The following LGALS9 variants were observed in gnomAD, a reference collection of about 807,000 sequenced individuals.
LGALS9 encodes the protein galectin-9.
LGALS9 carries 26 observed loss-of-function variants against 35.9 expected under a neutral mutation model. The ratio of observed to expected loss-of-function variants is 0.72; its 90% CI spans 0.53 to 1.01. The LOEUF (loss-of-function observed/expected upper bound fraction) is 1.01. Among genes scored for constraint, LGALS9 ranks in the 50% least tolerant of loss-of-function variants. The pLI is 0.00. For missense variants in LGALS9, 347 were observed against 445.8 expected (o/e 0.78, Z 1.99); for synonymous variants, 149 against 172.2 (o/e 0.87, Z 1.06).
intron 10 of LGALS9, 92 bp downstream of exon 10, chr17:27,647,524 G>A (rs1467298963): frequency 3.3e-6 from 5 of 1,521,724 alleles, no homozygotes; most frequent in African/African-American, 1.4e-5. Flanking sequence ...AACAGTATGG[G>A]GGCTGATTCC....
intron 6 of LGALS9, 53 bp from the exon 7 acceptor site, chr17:27,645,808 C>G (rs1904892320): frequency 2.7e-6 from 4 of 1,467,114 alleles, no homozygotes; most frequent in Admixed American, 3.7e-5. Flanking sequence ...CTGGTGGGAG[C>G]TGGTGGTTTT....
At chr17:27,632,451 AAGG>A (rs1263457392) in intron 1 of LGALS9, among the ~76,000 whole-genome samples, 1 of 152,166 alleles carries the variant, frequency 6.6e-6, no homozygotes, top group African/African-American at 2.4e-5. Context: ...AGAATGGGGA[AAGG>A]AGGCCTGTTT....
At chr17:27,635,555 G>C (rs933726355) in intron 1 of LGALS9, among the ~76,000 whole-genome samples, 5 of 151,914 alleles carry the variant, frequency 3.3e-5, no homozygotes, top group African/African-American at 7.3e-5. Context: ...GCTTTTTTGG[G>C]GAACTTGTTG....
rs765369604 is a variant in LGALS9 at position 27,631,329 on chromosome 17, G to A, written c.39+25G>A. Reference sequence around the variant, plus strand: ...AGTGAGTTCCAGGGCTATGGGCACAGGGCTGCCTCAGCCAGAGGGACACAG... The same window carrying A: ...AGTGAGTTCCAGGGCTATGGGCACAAGGCTGCCTCAGCCAGAGGGACACAG... On this transcript the variant is annotated intron_variant, in intron 1 of 10. Transcript: ENST00000395473. 1.9e-6 allele frequency: 3 copies of A among 1,614,122 alleles called. No homozygotes were observed. The East Asian group carries it at 6.7e-5, about 36-fold the overall frequency.
At position 27,640,488 on chromosome 17, in the gene LGALS9, A is replaced by C. The variant is rs1016519530; in HGVS notation, c.132-84A>C. On this transcript the variant is annotated intron_variant, in intron 2 of 10. Coordinates refer to ENST00000395473, the MANE Select transcript of LGALS9 (RefSeq NM_009587.3). ...TTGTGTGCAAGATCCAGACAAATGCAAAGCACAGGCGCCGAGGCCCTCCTG... is the reference window on the plus strand; with the variant it reads ...TTGTGTGCAAGATCCAGACAAATGCCAAGCACAGGCGCCGAGGCCCTCCTG... The C allele has an allele frequency of 4.7e-5, 74 of 1,587,810 alleles. 1 individual carries two copies. The highest frequency in any genetic ancestry group is 5.9e-5 in the Non-Finnish European group (68 of 1,158,038).
chr17:27,646,936 T>G, intron 8 of LGALS9, 94 bp from the exon 9 acceptor site: 1 of 1,560,494 alleles, frequency 6.4e-7, no homozygotes, highest in Non-Finnish European at 8.8e-7. Flanking sequence ...AAAGATATCA[T>G]GGGCTTCTTC....
chr17:27,646,012 CA>C (rs1567918771), intron 7 of LGALS9, 101 bp downstream of exon 7: 11 of 1,494,196 alleles, frequency 7.4e-6, no homozygotes, highest in Non-Finnish European at 9.3e-6. Context: ...AGCGGTTTAG[CA>C]AGGAGGATGG....
At chr17:27,636,550 G>A (rs1232741392) in intron 1 of LGALS9, among the ~76,000 whole-genome samples, 1 of 152,054 alleles carries the variant, frequency 6.6e-6, no homozygotes, top group Non-Finnish European at 1.5e-5. Flanking sequence ...GCTCACTGCA[G>A]CCTCCACCTC....
rs202200748 is a variant in LGALS9 at position 27,646,557 on chromosome 17, T to C, written c.638T>C (p.Ile213Thr). ...APGQMFSTPA[I>T]PPMMYPHPAY... The stretch of plus-strand genomic sequence containing the variant: ...GTTTCTTTTCAACAGACTCCCGCCA[T>C]CCCACCTATGATGTACCCCCACCCC... The change falls in exon 8 of 11, where the codon ATC becomes ACC. Residue 213 changes from isoleucine to threonine, a missense_variant. Physicochemically the swap from Ile to Thr is moderately conservative, Grantham distance 89. Coordinates refer to ENST00000395473, the MANE Select transcript of LGALS9 (RefSeq NM_009587.3). The C allele has an allele frequency of 9.3e-6, 15 of 1,612,164 alleles. No homozygotes were observed. The South Asian group carries it at 1.4e-4, about 15-fold the overall frequency.
chr17:27,642,436 C>T, intron 4 of LGALS9, 88 bp downstream of exon 4: 2 of 1,582,522 alleles, frequency 1.3e-6, no homozygotes, highest in Non-Finnish European at 1.7e-6. Context: ...TGGGCCCAAG[C>T]CAATCTCCTA....
At chr17:27,637,246 C>G (rs1467539135) in intron 1 of LGALS9, among the ~76,000 whole-genome samples, 1 of 152,134 alleles carries the variant, frequency 6.6e-6, no homozygotes, top group Non-Finnish European at 1.5e-5. Context: ...GGGTGGGTGA[C>G]AGTGGTGAAG....
intron 3 of LGALS9, 44 bp from the exon 4 acceptor site, chr17:27,642,194 C>T: frequency 6.4e-7 from 1 of 1,568,188 alleles, no homozygotes; most frequent in East Asian, 2.3e-5. Flanking sequence ...GTCCCCATCC[C>T]AGCCTGGGAT....
chr17:27,643,129 T>C (rs1216450719), intron 4 of LGALS9, among the ~76,000 whole-genome samples: 5 of 152,164 alleles, frequency 3.3e-5, no homozygotes, highest in Non-Finnish European at 5.9e-5. Flanking sequence ...AAGATTAGGG[T>C]ATGCTGGGCC....
Position 27,642,137 on chromosome 17 carries a change from A to G in LGALS9, c.334-101A>G. 9 of 1,522,226 alleles carry G rather than the reference A, an allele frequency of 5.9e-6. No individual in the cohort carries two copies. The South Asian group carries it at 1.1e-4, about 19-fold the overall frequency. 94.3% of individuals were successfully genotyped at this position (1,522,226 alleles called of 1,614,324 possible). ...TAACTGGCCCCACACTGAAGACCAG[A>G]CTCAGGTCTTCATTTTCTAGAAAGA... is the stretch of plus-strand genomic sequence containing the variant. On this transcript the variant is annotated intron_variant, in intron 3 of 10. Transcript: ENST00000395473.
chr17:27,636,157 G>T (rs1056532489), intron 1 of LGALS9, among the ~76,000 whole-genome samples: 5 of 152,248 alleles, frequency 3.3e-5, no homozygotes, highest in East Asian at 1.9e-4. Context: ...CCAGGGTTCT[G>T]TGTGGTCACA....
intron 1 of LGALS9, among the ~76,000 whole-genome samples, chr17:27,634,506 C>T (rs184204375): frequency 4.1e-4 from 62 of 152,160 alleles, no homozygotes; most frequent in African/African-American, 1.5e-3. Flanking sequence ...GAGCTGAGAT[C>T]GCGTCAACAC....
At chr17:27,637,519 G>A (rs1302498327) in intron 1 of LGALS9, among the ~76,000 whole-genome samples, 2 of 152,220 alleles carry the variant, frequency 1.3e-5, no homozygotes, top group African/African-American at 4.8e-5. Context: ...TTGACAAAGT[G>A]GTTGCCCGTG....
intron 1 of LGALS9, among the ~76,000 whole-genome samples, chr17:27,634,730 T>C (rs1227705604): frequency 1.3e-5 from 2 of 152,128 alleles, no homozygotes; most frequent in African/African-American, 2.4e-5. Context: ...CAGGACAATC[T>C]CCCCATGCCA....
At chr17:27,648,114 C>T (rs1336181658) in intron 10 of LGALS9, among the ~76,000 whole-genome samples, 2 of 152,216 alleles carry the variant, frequency 1.3e-5, no homozygotes, top group Non-Finnish European at 2.9e-5. Context: ...GCTGGGCATT[C>T]GTATTTTAAA....
Sources: gnomAD v4.1 joint callset for allele counts (sites outside exome capture counted in the v4.1 genomes callset) on GRCh38, gnomAD v4.1.1 for gene constraint, MANE v1.5 for transcripts, NCBI Gene and HGNC (gene_info 2026-07-23, HGNC 2026-07-21) for gene names.